Variants in FLG observed in about 807,000 individuals in gnomAD.
The protein encoded by FLG is filaggrin.
Under a neutral mutation model 3.8 loss-of-function variants are expected in FLG, and 6 were observed. The ratio of observed to expected loss-of-function variants is 1.60; its 90% CI spans 0.87 to 3.15. The LOEUF is 3.15. FLG is among the 30% of genes most tolerant of loss of function. The pLI is 0.00. For missense variants in FLG, 7,595 were observed against 5,050.9 expected, an observed-to-expected ratio of 1.50 and a Z score of -15.27; for synonymous variants, 2,551 against 1,931.6, an observed-to-expected ratio of 1.32 and a Z score of -8.41.
Position 152,307,955 on chromosome 1 carries a change from A to C in FLG, c.6931T>G (p.Ser2311Ala), listed in dbSNP as rs1292778165. Residue 2311 changes from serine (S) to alanine (A), a missense_variant, in exon 3 of 3, where the codon TCT becomes GCT. Ser to Ala is a moderately conservative substitution (Grantham distance 99). Transcript: ENST00000368799. ...TGGGATGATGCAGCCTGTCCACCAGAGGAATTCTCTGCATGATGAGTGCCT... is the reference window on the plus strand; with the variant it reads ...TGGGATGATGCAGCCTGTCCACCAGCGGAATTCTCTGCATGATGAGTGCCT... ...QSGTHHAENS[S>A]GGQAASSHEQ... The C allele has an allele frequency of 4.3e-6, 7 of 1,613,916 alleles. No individual in the cohort carries two copies. Among genetic ancestry groups the C allele is most frequent in the Non-Finnish European group, 5.9e-6 (7 of 1,180,028 alleles).
rs1173740929 is a variant in FLG at position 152,313,969 on chromosome 1, T to C, written c.917A>G (p.His306Arg). ...AGAGTGCCTCTCAGAGTCTTCTGAG[T>C]GTCCCTCACTGTCCCTGTCCTGGCT... ...RVSQDRDSEGHSEDSERHSGS... is the reference protein window; with the variant it reads ...RVSQDRDSEGRSEDSERHSGS... Residue 306 changes from histidine to arginine, a missense_variant, in exon 3 of 3, where the codon CAC becomes CGC. Physicochemically the swap from His to Arg is conservative, Grantham distance 29. Transcript: ENST00000368799. The C allele has an allele frequency of 6.2e-7, 1 of 1,614,172 alleles. No individual in the cohort carries two copies. The highest frequency in any genetic ancestry group is 8.5e-7 in the Non-Finnish European group (1 of 1,180,014).
In FLG at chr1:152,311,477, T is replaced by C. The variant is rs1389985415; in HGVS notation, c.3409A>G (p.Ser1137Gly). 2 of 1,613,982 alleles carry C rather than the reference T, an allele frequency of 1.2e-6. No individual in the cohort carries two copies. The highest frequency in any genetic ancestry group is 1.7e-5 in the Admixed American group (1 of 60,024). ...TGGGATCCTTGTCTTCGTCCAGTGC[T>C]GGTCCTGGTCCGCCCATGGGCAGAC... ...SESAHGRTRT[S>G]TGRRQGSHHE... The change falls in exon 3 of 3, where the codon AGC becomes GGC. Residue 1137 changes from serine to glycine, a missense_variant. Ser to Gly is a moderately conservative substitution (Grantham distance 56, BLOSUM62 0). Transcript: ENST00000368799.
At position 152,308,681 on chromosome 1, in the gene FLG, G is replaced by C. The variant is rs141923137; in HGVS notation, c.6205C>G (p.Gln2069Glu). 2 of 1,614,044 alleles carry C rather than the reference G, an allele frequency of 1.2e-6. No individual in the cohort carries two copies. Among genetic ancestry groups the C allele is most frequent in the Non-Finnish European group, 8.5e-7 (1 of 1,180,024 alleles). Residue 2069 changes from glutamine (Q) to glutamate (E), a missense_variant, in exon 3 of 3, where the codon CAG (glutamine) becomes GAG (glutamate). Gln to Glu is a conservative substitution (Grantham distance 29, BLOSUM62 2). Transcript: ENST00000368799. ...CGTGCGGACTCTTTGTGGCTCTGCT[G>C]ATGGGGCCCAGCTTTTCCCTGTGCT... is the stretch of plus-strand genomic sequence containing the variant. ...VSAQGKAGPH[Q>E]QSHKESARGQ...
Position 152,302,800 on chromosome 1 carries a change from G to C in FLG, c.12086C>G (p.Ala4029Gly), listed in dbSNP as rs150330138. ...ACCTGGGTCCTTATTAATATACGTT[G>C]CATAATACCTTGGATGATCTTTACC... is the stretch of plus-strand genomic sequence containing the variant. ...AFGKDHPRYYATYINKDPGLC... is the reference protein window; with the variant it reads ...AFGKDHPRYYGTYINKDPGLC... The change falls in exon 3 of 3, where the codon GCA becomes GGA. Residue 4029 changes from alanine (A) to glycine (G), a missense_variant. Coordinates refer to ENST00000368799, the MANE Select transcript of FLG (RefSeq NM_002016.2). 16 of 1,614,112 alleles carry C rather than the reference G, an allele frequency of 9.9e-6. No homozygotes were observed. Among genetic ancestry groups the C allele is most frequent in the Non-Finnish European group, 1.3e-5 (15 of 1,180,022 alleles).
chr1:152,310,773 T>A lies in FLG; in HGVS notation c.4113A>T (p.Ser1371=), dbSNP rs766913580. The change falls in exon 3 of 3, where the codon TCA becomes TCT. Residue 1371 remains serine, a synonymous_variant. Coordinates refer to ENST00000368799, the MANE Select transcript of FLG (RefSeq NM_002016.2). ...ATGAAGCTTGTCTGTGCCCAATGCCTGAGTGTCTGGAGCTGTCTGCTGACT... is the reference window on the plus strand; with the variant it reads ...ATGAAGCTTGTCTGTGCCCAATGCCAGAGTGTCTGGAGCTGTCTGCTGACT... The part of the protein sequence containing the change: ...HQQSADSSRH[S]GIGHRQASSA... 6.2e-7 allele frequency: 1 copy of A among 1,613,918 alleles called. No individual in the cohort carries two copies. The highest frequency in any genetic ancestry group is 8.5e-7 in the Non-Finnish European group (1 of 1,180,006).
In FLG at chr1:152,309,445, C is replaced by A; in HGVS notation, c.5441G>T (p.Arg1814Leu). 6.2e-7 allele frequency: 1 copy of A among 1,613,346 alleles called. No individual in the cohort carries two copies. Residue 1814 changes from arginine to leucine, a missense_variant, in exon 3 of 3, where the codon CGT becomes CTT. Transcript: ENST00000368799. ...TCCTCTGCTTGACCCTGGGTGTCCA[C>A]GAATGGTGTCCTGACCCTCTTGGGA... ...SASQEGQDTIRGHPGSSRGGR... is the reference protein window; with the variant it reads ...SASQEGQDTILGHPGSSRGGR...
chr1:152,305,908 C>G lies in FLG; in HGVS notation c.8978G>C (p.Gly2993Ala), dbSNP rs1414273534. 1 of 1,378,496 alleles carries G rather than the reference C, an allele frequency of 7.3e-7. No individual in the cohort carries two copies. Among genetic ancestry groups the G allele is most frequent in the East Asian group, 2.3e-5 (1 of 42,632 alleles). The allele number at this position is 1,378,496 out of a possible 1,614,324, so 85.4% of individuals were successfully genotyped here. A position where few individuals can be genotyped will look rare whatever the true frequency, so the allele number is the denominator to read the frequency against. Residue 2993 changes from glycine to alanine, a missense_variant, in exon 3 of 3, where the codon GGC (glycine) becomes GCC (alanine). Coordinates refer to ENST00000368799, the MANE Select transcript of FLG (RefSeq NM_002016.2). ...AGATGAAGCTTGTCCGTGCCCAATGCCTGAGTGTCTGGAGCTGTCTGCTGA... is the reference window on the plus strand; with the variant it reads ...AGATGAAGCTTGTCCGTGCCCAATGGCTGAGTGTCTGGAGCTGTCTGCTGA... ...QQSADSSRHS[G>A]IGHGQASSAV...
In FLG at chr1:152,314,155, T is replaced by C. The variant is rs752302548; in HGVS notation, c.731A>G (p.Tyr244Cys). The change falls in exon 3 of 3, where the codon TAT (tyrosine) becomes TGT (cysteine). Residue 244 changes from tyrosine (Y) to cysteine (C), a missense_variant. Tyr to Cys is a radical substitution (Grantham distance 194). Coordinates refer to ENST00000368799, the MANE Select transcript of FLG (RefSeq NM_002016.2). ...TTCTAATAGACTATCAGTGGTGTCA[T>C]AGGCTTCATCCTGGATTGTGTAATA... ...ATYYTIQDEA[Y>C]DTTDSLLEEN... 5 of 1,614,228 alleles carry C rather than the reference T, an allele frequency of 3.1e-6. No homozygotes were observed. Among genetic ancestry groups the C allele is most frequent in the Non-Finnish European group, 4.2e-6 (5 of 1,180,038 alleles).
intron 1 of FLG, among the ~76,000 whole-genome samples, chr1:152,318,923 A>T (rs943888725): frequency 1.3e-5 from 2 of 151,852 alleles, no homozygotes; most frequent in African/African-American, 4.8e-5. Context: ...ACTTTAAGGA[A>T]AGGAGGTTTT....
chr1:152,317,651 TC>T (rs1247705889), intron 1 of FLG, among the ~76,000 whole-genome samples: 1 of 151,926 alleles, frequency 6.6e-6, no homozygotes, highest in Non-Finnish European at 1.5e-5. Context: ...TTATACTCCC[TC>T]GGGTCATCTC....
Position 152,304,374 on chromosome 1 carries a change from C to T in FLG, c.10512G>A (p.Ser3504=), listed in dbSNP as rs139345866. The T allele has an allele frequency of 1.4e-4, 221 of 1,611,402 alleles. 4 individuals carry two copies. The highest frequency in any genetic ancestry group is 2.5e-4 in the East Asian group (11 of 44,564). ...QSGDGSRHSW[S]HHHEASTQAD... is the part of the protein sequence containing the mutation. ...CCTGAGTGGAAGCTTCATGGTGATG[C>T]GACCATGAGTGCCTGGAGCCATCTC... The change falls in exon 3 of 3, where the codon TCG becomes TCA. Residue 3504 remains serine (S), a synonymous_variant. Coordinates refer to ENST00000368799, the MANE Select transcript of FLG (RefSeq NM_002016.2).
In FLG at chr1:152,311,729, G is replaced by C. The variant is rs766514474; in HGVS notation, c.3157C>G (p.Gln1053Glu). 13 of 1,614,108 alleles carry C rather than the reference G, an allele frequency of 8.1e-6. No homozygotes were observed. In the Middle Eastern group the frequency reaches 9.9e-4, roughly 123 times the overall value. ...CTGTCTCTGACTGCAGATGAAGCTT[G>C]TCTGCGCGGAATGCCTGAGTGTCTG... is the stretch of plus-strand genomic sequence containing the variant. Reference protein sequence around the residue: ...SSRHSGIPRRQASSAVRDSGH... With the variant: ...SSRHSGIPRREASSAVRDSGH... Residue 1053 changes from glutamine (Q) to glutamate (E), a missense_variant, in exon 3 of 3, where the codon CAA (glutamine) becomes GAA (glutamate). Coordinates refer to ENST00000368799, the MANE Select transcript of FLG (RefSeq NM_002016.2).
intron 1 of FLG, among the ~76,000 whole-genome samples, chr1:152,317,695 G>A (rs1353154302): frequency 6.6e-6 from 1 of 151,886 alleles, no homozygotes; most frequent in Non-Finnish European, 1.5e-5. Flanking sequence ...AAATAAGTTG[G>A]CAACTCACAA....
In FLG at chr1:152,312,922, T is replaced by C; in HGVS notation, c.1964A>G (p.Asp655Gly). The C allele has an allele frequency of 6.2e-7, 1 of 1,614,010 alleles. No homozygotes were observed. The highest frequency in any genetic ancestry group is 1.3e-5 in the African/African-American group (1 of 74,920). The change falls in exon 3 of 3, where the codon GAT (aspartate) becomes GGT (glycine). Residue 655 changes from aspartate (D) to glycine (G), a missense_variant. Asp to Gly is a moderately conservative substitution (Grantham distance 94). Transcript: ENST00000368799. ...ATGGGACCTGGGGTGTCTGGAGCCATCTCTTGACTGCTCCTGAGCAGATCC... is the reference window on the plus strand; with the variant it reads ...ATGGGACCTGGGGTGTCTGGAGCCACCTCTTGACTGCTCCTGAGCAGATCC... ...HHGSAQEQSRDGSRHPRSHHE... is the reference protein window; with the variant it reads ...HHGSAQEQSRGGSRHPRSHHE...
rs1652518729 is a variant in FLG at position 152,312,486 on chromosome 1, A to G, written c.2400T>C (p.His800=). 3 of 1,613,084 alleles carry G rather than the reference A, an allele frequency of 1.9e-6. No individual in the cohort carries two copies. Among genetic ancestry groups the G allele is most frequent in the Non-Finnish European group, 2.5e-6 (3 of 1,179,824 alleles). ...ATCCATGGGAGGACTCAGACTGTTT[A>G]TGAGTGCTCACCTGGTAGAGGAAAG... ...SGSFLYQVST[H]KQSESSHGWT... The change falls in exon 3 of 3, where the codon CAT becomes CAC. Residue 800 remains histidine (H), a synonymous_variant. Coordinates refer to ENST00000368799, the MANE Select transcript of FLG (RefSeq NM_002016.2).
Position 152,314,479 on chromosome 1 carries a change from C to G in FLG, c.407G>C (p.Gly136Ala). 1 of 1,613,356 alleles carries G rather than the reference C, an allele frequency of 6.2e-7. No individual in the cohort carries two copies. Among genetic ancestry groups the G allele is most frequent in the Non-Finnish European group, 8.5e-7 (1 of 1,179,730 alleles). ...SSLERRNNRK[G>A]NKGRSKSPRE... The stretch of plus-strand genomic sequence containing the variant: ...TGGGCTCTTGGATCTTCCCTTATTC[C>G]CTTTTCTATTGTTTCTTCTTTCCAG... Residue 136 changes from glycine to alanine, a missense_variant, in exon 3 of 3, where the codon GGG becomes GCG. Physicochemically the swap from Gly to Ala is moderately conservative, Grantham distance 60. Transcript: ENST00000368799.
In FLG at chr1:152,305,612, C is replaced by A. The variant is rs752582457; in HGVS notation, c.9274G>T (p.Glu3092Ter). 2.7e-6 allele frequency: 4 copies of A among 1,497,124 alleles called. No individual in the cohort carries two copies. Among genetic ancestry groups the A allele is most frequent in the Admixed American group, 4.2e-5 (2 of 47,872 alleles). 92.7% of individuals were successfully genotyped at this position (1,497,124 alleles called of 1,614,324 possible). Residue 3092 changes from glutamate (E) to a stop codon, truncating the protein, a stop_gained, in exon 3 of 3, where the codon GAG becomes TAG. Coordinates refer to ENST00000368799, the MANE Select transcript of FLG (RefSeq NM_002016.2). LOFTEE classifies it low-confidence loss of function (END_TRUNC). ...STRGRQGSRH[E>*]QAQDSSRHSA... ...TGCCTGGAGCTGTCTTGTGCCTGCT[C>A]ATGGCGGGATCCTTGTCTTCCTCTA...
intron 1 of FLG, among the ~76,000 whole-genome samples, chr1:152,322,278 G>A (rs182402043): frequency 8.6e-5 from 13 of 151,036 alleles, no homozygotes; most frequent in East Asian, 1.9e-4. Flanking sequence ...AGAGCAATAC[G>A]TTAGGAAAAG....
chr1:152,312,521 G>T lies in FLG; in HGVS notation c.2365C>A (p.Arg789Ser), dbSNP rs770321911. The T allele has an allele frequency of 6.2e-6, 10 of 1,613,422 alleles. No homozygotes were observed. The highest frequency in any genetic ancestry group is 5.0e-5 in the Admixed American group (3 of 59,978). ...ACCTGGTAGAGGAAAGACCCTGAAC[G>T]TCGAGACCTTTCCCCTGACCGGTCA... Reference protein sequence around the residue: ...ARDRSGERSRRSGSFLYQVST... With the variant: ...ARDRSGERSRSSGSFLYQVST... Residue 789 changes from arginine (R) to serine (S), a missense_variant, in exon 3 of 3, where the codon CGT becomes AGT. Physicochemically the swap from Arg to Ser is moderately radical, Grantham distance 110. Coordinates refer to ENST00000368799, the MANE Select transcript of FLG (RefSeq NM_002016.2).
Sources: gnomAD v4.1 joint callset for allele counts (sites outside exome capture counted in the v4.1 genomes callset) on GRCh38, gnomAD v4.1.1 for gene constraint, MANE v1.5 for transcripts, NCBI Gene and HGNC (gene_info 2026-07-23, HGNC 2026-07-21) for gene names.